Variants in EPB41L1 observed in about 807,000 individuals in gnomAD.
EPB41L1 encodes the protein band 4.1-like protein 1.
Under a neutral mutation model 97.8 loss-of-function variants are expected in EPB41L1, and 29 were observed. That is an observed-to-expected ratio of 0.30 (90% CI 0.22 to 0.40). The LOEUF (loss-of-function observed/expected upper bound fraction) is 0.40. Among genes scored for constraint, EPB41L1 ranks in the 10% least tolerant of loss-of-function variants. The pLI is 1.00. For missense variants in EPB41L1, 812 were observed against 1,162.3 expected, an observed-to-expected ratio of 0.70 and a Z score of 4.38; for synonymous variants, 383 against 459.2, an observed-to-expected ratio of 0.83 and a Z score of 2.12.
At chr20:36,129,966 G>T (rs1446978867) in intron 2 of EPB41L1, among the ~76,000 whole-genome samples, 1 of 148,302 alleles carries the variant, frequency 6.7e-6, no homozygotes, top group Non-Finnish European at 1.5e-5. Context: ...TTTTGAGACG[G>T]AGTCTTGCTC....
chr20:36,117,466 C>G (rs1427034570), intron 2 of EPB41L1, among the ~76,000 whole-genome samples: 1 of 152,172 alleles, frequency 6.6e-6, no homozygotes. Context: ...AACCCCATGG[C>G]CCTTATCACC....
chr20:36,221,044 A>G (rs973704833), intron 19 of EPB41L1, among the ~76,000 whole-genome samples: 7 of 152,204 alleles, frequency 4.6e-5, no homozygotes, highest in Non-Finnish European at 8.8e-5. Flanking sequence ...ACTTCTCTGA[A>G]AGCTTTATGG....
intron 2 of EPB41L1, among the ~76,000 whole-genome samples, chr20:36,143,137 TTGTGTGTGTGTGTGTGTGTGTGTG>T (rs59256378): frequency 7.7e-6 from 1 of 130,710 alleles, no homozygotes; most frequent in African/African-American, 2.8e-5. Flanking sequence ...GAGGGTGTGT[TTGTGTGTGTGTGTGTGTGTGTGTG>T]TGTGTGTGTG....
chr20:36,116,290 G>T (rs2058581561), intron 2 of EPB41L1, among the ~76,000 whole-genome samples: 1 of 152,116 alleles, frequency 6.6e-6, no homozygotes, highest in Non-Finnish European at 1.5e-5. Flanking sequence ...AGAGAAGCAG[G>T]GGTAGTGAAG....
Position 36,176,636 on chromosome 20 carries a change from T to C in EPB41L1, c.342+921T>C, listed in dbSNP as rs1446571651. ...TGTATTTTTTCTTTTTTTTCTTTTT[T>C]TTTTTTTTTTGTTGAGACAGAGTCT... On this transcript the variant is annotated intron_variant, in intron 3 of 21. Transcript: ENST00000338074. Among the ~76,000 whole-genome samples the C allele has an allele frequency of 1.3e-4, 19 of 150,490 alleles. No homozygotes were observed. The South Asian group carries it at 2.1e-3, about 17-fold the overall frequency.
At chr20:36,177,520 C>G (rs866695478) in intron 3 of EPB41L1, among the ~76,000 whole-genome samples, 1 of 152,234 alleles carries the variant, frequency 6.6e-6, no homozygotes, top group Non-Finnish European at 1.5e-5. Context: ...GCCCCAAGCC[C>G]TCCCCTTCTC....
intron 6 of EPB41L1, among the ~76,000 whole-genome samples, chr20:36,184,078 T>C (rs1481418500): frequency 1.3e-5 from 2 of 151,838 alleles, no homozygotes; most frequent in Non-Finnish European, 2.9e-5. Flanking sequence ...CCACAAAAAA[T>C]ACAAAAATTA....
intron 2 of EPB41L1, among the ~76,000 whole-genome samples, chr20:36,133,678 A>T (rs1363623075): frequency 1.3e-5 from 2 of 152,116 alleles, no homozygotes; most frequent in Non-Finnish European, 2.9e-5. Context: ...GCAATATGCA[A>T]ACCCTGTCTC....
chr20:36,125,825 A>G (rs112084500), intron 2 of EPB41L1, among the ~76,000 whole-genome samples: 6 of 152,170 alleles, frequency 3.9e-5, no homozygotes, highest in African/African-American at 1.2e-4. Flanking sequence ...AGACCAGGAG[A>G]CGGATGGTAG....
chr20:36,148,364 C>G (rs6058416), intron 2 of EPB41L1, among the ~76,000 whole-genome samples: 16,573 of 152,132 alleles, frequency 0.11, 1,522 homozygotes, highest in African/African-American at 0.25. Flanking sequence ...GGTTCAGGAA[C>G]GACTTCCTGG....
intron 1 of EPB41L1, among the ~76,000 whole-genome samples, chr20:36,162,806 T>C (rs1286911284): frequency 1.3e-5 from 2 of 152,206 alleles, no homozygotes; most frequent in African/African-American, 4.8e-5. Context: ...CTTTTCACAT[T>C]GTTTGGTCTA....
At position 36,232,630 on chromosome 20, in the gene EPB41L1, A is replaced by G; in HGVS notation, c.*3290A>G. The G allele has an allele frequency of 5.0e-6, 2 of 398,856 alleles. No individual in the cohort carries two copies. The highest frequency in any genetic ancestry group is 3.6e-5 in the East Asian group (1 of 28,072). The allele number at this position is 398,856 out of a possible 1,614,324, so 24.7% of individuals were successfully genotyped here. On this transcript the variant is annotated 3_prime_UTR_variant, in exon 22 of 22. Coordinates refer to ENST00000338074, the MANE Select transcript of EPB41L1 (RefSeq NM_012156.2). ...CACTCGAAATAATTTTTTTTTTCAAAAGCACCTTAACAACCAATTGCGATG... is the reference window on the plus strand; with the variant it reads ...CACTCGAAATAATTTTTTTTTTCAAGAGCACCTTAACAACCAATTGCGATG...
chr20:36,149,031 C>G (rs1414603270), intron 2 of EPB41L1, among the ~76,000 whole-genome samples: 1 of 152,116 alleles, frequency 6.6e-6, no homozygotes, highest in African/African-American at 2.4e-5. Flanking sequence ...GAGGGGCACC[C>G]TAGTGGGGTC....
intron 21 of EPB41L1, among the ~76,000 whole-genome samples, chr20:36,225,265 TC>T: frequency 6.6e-6 from 1 of 152,254 alleles, no homozygotes; most frequent in Non-Finnish European, 1.5e-5. Context: ...GTCATTCCTA[TC>T]CCCTCAGTTT....
Position 36,212,510 on chromosome 20 carries a change from T to G in EPB41L1, c.2184+134T>G. 1.4e-6 allele frequency: 1 copy of G among 733,820 alleles called. No homozygotes were observed. The highest frequency in any genetic ancestry group is 2.3e-6 in the Non-Finnish European group (1 of 426,526). 45.5% of individuals were successfully genotyped at this position (733,820 alleles called of 1,614,324 possible). On this transcript the variant is annotated intron_variant, in intron 16 of 21. Coordinates refer to ENST00000338074, the MANE Select transcript of EPB41L1 (RefSeq NM_012156.2). The surrounding 1 kb of genome is among the most constrained non-coding windows in gnomAD (Gnocchi z 4.8). The stretch of plus-strand genomic sequence containing the variant: ...CCTGGAACCCATATGTTAATCCTGA[T>G]GCTCTCCTGTGCCTCAGTGTCCTCT...
intron 1 of EPB41L1, chr20:36,155,246 C>T: frequency 2.2e-6 from 1 of 450,388 alleles, no homozygotes; most frequent in Non-Finnish European, 4.5e-6. Context: ...ATTTCTGCTG[C>T]TTCTGACGCT....
chr20:36,141,427 C>T (rs987848909), intron 2 of EPB41L1, among the ~76,000 whole-genome samples: 2 of 152,034 alleles, frequency 1.3e-5, no homozygotes, highest in African/African-American at 2.4e-5. Flanking sequence ...AGGGTACTTC[C>T]GCTGTGAGGG....
chr20:36,178,133 C>A, intron 4 of EPB41L1, 77 bp downstream of exon 4: 2 of 1,035,836 alleles, frequency 1.9e-6, no homozygotes, highest in Non-Finnish European at 3.0e-6. Flanking sequence ...CAACAGCATC[C>A]ATTAGTGCTC....
chr20:36,222,251 C>T (rs1243205295), intron 20 of EPB41L1, 27 bp from the exon 21 acceptor site: 2 of 1,573,564 alleles, frequency 1.3e-6, no homozygotes, highest in Non-Finnish European at 1.7e-6. Flanking sequence ...GTTCATGGTT[C>T]CTTCCTTTGC....
Sources: gnomAD v4.1 joint callset for allele counts (sites outside exome capture counted in the v4.1 genomes callset) on GRCh38, gnomAD v4.1.1 for gene constraint, Gnocchi (gnomAD v3.1) non-coding constraint, MANE v1.5 for transcripts, NCBI Gene and HGNC (gene_info 2026-07-23, HGNC 2026-07-21) for gene names.